NEO1: variants seen among roughly 807,000 people sequenced by gnomAD.
NEO1 encodes the protein neogenin 1.
A neutral mutation model predicts 159.7 loss-of-function variants in NEO1; 63 were observed. That is an observed-to-expected ratio of 0.39 (90% CI 0.32 to 0.49). The LOEUF (loss-of-function observed/expected upper bound fraction) is 0.49. Ranked by LOEUF, NEO1 falls within the 20% of genes least tolerant of loss-of-function variation. NEO1 has a pLI of 0.85. For missense variants in NEO1, 1,615 were observed against 1,831.0 expected (o/e 0.88, Z 2.15); for synonymous variants, 633 against 662.0 (o/e 0.96, Z 0.67).
chr15:73,146,669 C>G (rs1209717099), intron 5 of NEO1, among the ~76,000 whole-genome samples: 1 of 152,088 alleles, frequency 6.6e-6, no homozygotes, highest in Non-Finnish European at 1.5e-5. Flanking sequence ...GGTAACTAAC[C>G]ACCTTCAGAA....
intron 5 of NEO1, among the ~76,000 whole-genome samples, chr15:73,166,227 G>A (rs1394268326): frequency 6.6e-6 from 1 of 152,210 alleles, no homozygotes; most frequent in Non-Finnish European, 1.5e-5. Context: ...AGGATATGGA[G>A]AAATTGGAAC....
At chr15:73,237,287 A>G (rs1455103688) in intron 8 of NEO1, among the ~76,000 whole-genome samples, 2 of 152,172 alleles carry the variant, frequency 1.3e-5, no homozygotes, top group African/African-American at 4.8e-5. Context: ...TTGTATCCCT[A>G]ATATTGGCAC....
chr15:73,068,978 A>G (rs1211817361), intron 1 of NEO1, among the ~76,000 whole-genome samples: 1 of 146,324 alleles, frequency 6.8e-6, no homozygotes, highest in Non-Finnish European at 1.5e-5. Flanking sequence ...TTTTGGAGAC[A>G]GGGTCTCACT....
chr15:73,054,493 A>G (rs1331931316), intron 1 of NEO1, among the ~76,000 whole-genome samples: 1 of 152,222 alleles, frequency 6.6e-6, no homozygotes, highest in Non-Finnish European at 1.5e-5. Flanking sequence ...ATAGCCATCC[A>G]TCTACTGATT....
At chr15:73,266,285 A>AT (rs778928269) in intron 15 of NEO1, 31 bp from the exon 16 acceptor site, 23 of 1,561,816 alleles carry the variant, frequency 1.5e-5, no homozygotes, top group Non-Finnish European at 2.0e-5. Context: ...TGTAGTGAGC[A>AT]TTTTTTTAAT....
chr15:73,120,219 C>CTTGA (rs2071562320), intron 2 of NEO1, among the ~76,000 whole-genome samples: 2 of 151,420 alleles, frequency 1.3e-5, no homozygotes, highest in Non-Finnish European at 2.9e-5. Context: ...TTAAGATTTC[C>CTTGA]TCCTTTCCCC....
intron 7 of NEO1, among the ~76,000 whole-genome samples, chr15:73,194,943 T>C (rs918024188): frequency 3.9e-5 from 6 of 152,360 alleles, no homozygotes; most frequent in African/African-American, 1.4e-4. Flanking sequence ...TATGCTATAA[T>C]GAATGCTGTT....
intron 5 of NEO1, among the ~76,000 whole-genome samples, chr15:73,154,319 A>G (rs748434857): frequency 3.3e-5 from 5 of 152,236 alleles, no homozygotes; most frequent in Non-Finnish European, 7.4e-5. Context: ...TGGAGTATCC[A>G]TCACCCAAGC....
At chr15:73,076,887 AG>A (rs1333134066) in intron 1 of NEO1, among the ~76,000 whole-genome samples, 7 of 152,162 alleles carry the variant, frequency 4.6e-5, no homozygotes, top group African/African-American at 1.7e-4. Context: ...GTGTTTTCTT[AG>A]GTCCTTCTTC....
At chr15:73,221,098 A>G (rs1297809526) in intron 7 of NEO1, among the ~76,000 whole-genome samples, 3 of 151,696 alleles carry the variant, frequency 2.0e-5, no homozygotes, top group African/African-American at 7.3e-5. Context: ...GTACAGATGG[A>G]TTTTTGGTGT....
intron 18 of NEO1, among the ~76,000 whole-genome samples, chr15:73,271,514 T>G (rs1327388897): frequency 6.6e-6 from 1 of 152,226 alleles, no homozygotes; most frequent in Non-Finnish European, 1.5e-5. Context: ...ACTTTAGAGC[T>G]GTAACCTCAA....
intron 7 of NEO1, among the ~76,000 whole-genome samples, chr15:73,230,098 G>GA (rs1483531185): frequency 6.6e-6 from 1 of 152,062 alleles, no homozygotes; most frequent in African/African-American, 2.4e-5. Flanking sequence ...TCTATTTCCT[G>GA]AAAAAGTTTG....
intron 1 of NEO1, among the ~76,000 whole-genome samples, chr15:73,070,782 T>C (rs2068494443): frequency 1.3e-5 from 2 of 152,210 alleles, no homozygotes; most frequent in South Asian, 4.1e-4. Context: ...GTTCTGTCTC[T>C]CTGTCTCACA....
At chr15:73,273,262 G>T (rs552270971) in intron 19 of NEO1, among the ~76,000 whole-genome samples, 65 of 152,284 alleles carry the variant, frequency 4.3e-4, no homozygotes, top group Non-Finnish European at 1.5e-5. Flanking sequence ...ACTGGGGTTT[G>T]CCCTGAAGTT....
rs2035477982 is a variant in NEO1, at chr15:73,179,509, G to T, written c.1291+1082G>T. Reference sequence around the variant, plus strand: ...AACCACCCAGTGGATCAGGTGTAAGGGGAAGCTGCTGGCTATAGGAGGCTG... The same window carrying T: ...AACCACCCAGTGGATCAGGTGTAAGTGGAAGCTGCTGGCTATAGGAGGCTG... On this transcript the variant is annotated intron_variant, in intron 7 of 28. Transcript: ENST00000261908. Among the ~76,000 whole-genome samples the T allele has an allele frequency of 2.0e-5, 3 of 152,198 alleles. No individual in the cohort carries two copies. The South Asian group carries it at 6.2e-4, about 32-fold the overall frequency.
intron 8 of NEO1, among the ~76,000 whole-genome samples, chr15:73,237,224 A>G (rs2039229193): frequency 6.6e-6 from 1 of 152,180 alleles, no homozygotes; most frequent in African/African-American, 2.4e-5. Context: ...TGAAGCTCTC[A>G]AAGATCTTTA....
rs539890021 is a variant in NEO1, at chr15:73,086,128, G to A, written c.131-30412G>A. 5.3e-5 allele frequency among the ~76,000 whole-genome samples: 8 copies of A among 152,256 alleles called. 1 individual carries two copies. In the South Asian group the frequency reaches 1.7e-3, roughly 32 times the overall value. On this transcript the variant is annotated intron_variant, in intron 1 of 28. Coordinates refer to ENST00000261908, the MANE Select transcript of NEO1 (RefSeq NM_002499.4). Reference sequence around the variant, plus strand: ...TGAGTTAATTTTTACATAAAGTCAAGATTTTCTTTTGCATATGGATATCCA... The same window carrying A: ...TGAGTTAATTTTTACATAAAGTCAAAATTTTCTTTTGCATATGGATATCCA...
intron 5 of NEO1, among the ~76,000 whole-genome samples, chr15:73,172,534 A>G (rs2035038000): frequency 1.3e-5 from 2 of 152,176 alleles, no homozygotes; most frequent in Admixed American, 1.3e-4. Flanking sequence ...GGAGTTTGAA[A>G]CCCACATTTA....
At chr15:73,112,961 G>A (rs1243597697) in intron 1 of NEO1, among the ~76,000 whole-genome samples, 2 of 151,992 alleles carry the variant, frequency 1.3e-5, no homozygotes, top group African/African-American at 2.4e-5. Context: ...TGAGTAGTTA[G>A]TTCATCCTTT....
Sources: gnomAD v4.1 joint callset for allele counts (sites outside exome capture counted in the v4.1 genomes callset) on GRCh38, gnomAD v4.1.1 for gene constraint, MANE v1.5 for transcripts, NCBI Gene and HGNC (gene_info 2026-07-23, HGNC 2026-07-21) for gene names.